PCDHGB3: variants seen among roughly 807,000 people sequenced by gnomAD.
PCDHGB3 encodes protocadherin gamma subfamily B, 3, also known as protocadherin gamma-B3.
In PCDHGB3, 40 loss-of-function variants were observed where a neutral mutation model predicts 59.2. The observed-to-expected ratio is 0.68, with a 90% CI of 0.52 to 0.88. The LOEUF is 0.88. Ranked by LOEUF, PCDHGB3 falls within the 40% of genes least tolerant of loss-of-function variation. PCDHGB3 has a pLI of 0.00. For missense variants in PCDHGB3, 1,309 were observed against 1,187.9 expected, an observed-to-expected ratio of 1.10 and a Z score of -1.50; for synonymous variants, 581 against 503.6, an observed-to-expected ratio of 1.15 and a Z score of -2.06.
At chr5:141,478,812 A>G (rs952753762) in intron 1 of PCDHGB3, 16 of 1,453,436 alleles carry the variant, frequency 1.1e-5, no homozygotes, top group Non-Finnish European at 1.4e-5. Flanking sequence ...TTGCTATCAC[A>G]ACTAACCAAT....
Position 141,422,522 on chromosome 5 carries a change from C to T in PCDHGB3, c.2415+49713C>T, listed in dbSNP as rs767482856. On this transcript the variant is annotated intron_variant, in intron 1 of 3. Coordinates refer to ENST00000576222, the MANE Select transcript of PCDHGB3 (RefSeq NM_018924.5). Reference sequence around the variant, plus strand: ...ACAGCCACAGACCAGGGAAGCCCGCCTTTGTCTGCAGAAACTCATGTCTGG... The same window carrying T: ...ACAGCCACAGACCAGGGAAGCCCGCTTTTGTCTGCAGAAACTCATGTCTGG... 11 of 1,614,014 alleles carry T rather than the reference C, an allele frequency of 6.8e-6. No homozygotes were observed. In the South Asian group the frequency reaches 1.1e-4, roughly 16 times the overall value.
intron 1 of PCDHGB3, chr5:141,373,990 G>A: frequency 8.2e-7 from 1 of 1,221,932 alleles, no homozygotes; most frequent in East Asian, 2.8e-5. Flanking sequence ...TCTGCTTGTT[G>A]AAGGACCTTC....
chr5:141,424,519 A>T (rs1216899186), intron 1 of PCDHGB3: 1 of 152,222 alleles, frequency 6.6e-6, no homozygotes, highest in African/African-American at 2.4e-5. Context: ...TTAATGTAGT[A>T]AATCCATATA....
At chr5:141,403,226 C>A in intron 1 of PCDHGB3, 3 of 1,613,926 alleles carry the variant, frequency 1.9e-6, no homozygotes, top group South Asian at 1.1e-5. Context: ...TAGGATAGAC[C>A]GGGAGGAGCT....
chr5:141,372,263 G>T lies in PCDHGB3; in HGVS notation c.1869G>T (p.Thr623=), dbSNP rs373583904. 2.5e-6 allele frequency: 4 copies of T among 1,613,110 alleles called. No individual in the cohort carries two copies. Among genetic ancestry groups the T allele is most frequent in the African/African-American group, 1.3e-5 (1 of 75,052 alleles). The change falls in exon 1 of 4, where the codon ACG becomes ACT. Residue 623 remains threonine, a synonymous_variant. Coordinates refer to ENST00000576222, the MANE Select transcript of PCDHGB3 (RefSeq NM_018924.5). The part of the protein sequence containing the change: ...EPGLFSLGLR[T]GEVRTARTLG... The stretch of plus-strand genomic sequence containing the variant: ...GGCTGTTCAGCCTGGGCCTGCGCAC[G>T]GGTGAGGTGCGCACGGCGCGTACCT...
chr5:141,454,628 AC>A (rs1272822911), intron 1 of PCDHGB3, among the ~76,000 whole-genome samples: 2 of 151,334 alleles, frequency 1.3e-5, no homozygotes, highest in Non-Finnish European at 2.9e-5. Context: ...CTGGTCTCGA[AC>A]CCCCAACCTC....
At chr5:141,483,009 C>G (rs538900128) in intron 1 of PCDHGB3, among the ~76,000 whole-genome samples, 1 of 152,060 alleles carries the variant, frequency 6.6e-6, no homozygotes, top group South Asian at 2.1e-4. Context: ...TGCTTGAACC[C>G]GGGAGGCAGA....
intron 1 of PCDHGB3, among the ~76,000 whole-genome samples, chr5:141,446,322 C>A (rs1561922470): frequency 2.0e-5 from 3 of 151,968 alleles, no homozygotes; most frequent in South Asian, 4.1e-4. Flanking sequence ...TGGGTTTCCA[C>A]ATTAAGGAAC....
chr5:141,494,601 A>T (rs1396717178), intron 1 of PCDHGB3, among the ~76,000 whole-genome samples: 1 of 151,892 alleles, frequency 6.6e-6, no homozygotes, highest in East Asian at 1.9e-4. Context: ...ATGAAATGTG[A>T]TTTATCTCTT....
chr5:141,392,622 A>ACTCACAT, intron 1 of PCDHGB3: 1 of 558,650 alleles, frequency 1.8e-6, no homozygotes, highest in Non-Finnish European at 3.0e-6. Context: ...AACCGAAAAC[A>ACTCACAT]CTCAGATCTC....
chr5:141,383,635 C>G (rs1226106296), intron 1 of PCDHGB3: 6 of 1,613,966 alleles, frequency 3.7e-6, no homozygotes, highest in Non-Finnish European at 5.1e-6. Context: ...CTCTCTGCCT[C>G]AGTACCAAGT....
At chr5:141,388,364 G>A (rs749994962) in intron 1 of PCDHGB3, 12 of 1,613,846 alleles carry the variant, frequency 7.4e-6, no homozygotes, top group Middle Eastern at 1.6e-4. Context: ...CCCATGATGC[G>A]GATATTGGTA....
At chr5:141,375,378 T>A (rs1226520501) in intron 1 of PCDHGB3, 11 of 1,613,954 alleles carry the variant, frequency 6.8e-6, no homozygotes, top group Non-Finnish European at 9.3e-6. Flanking sequence ...ACACCACCTC[T>A]GTCTACAGAA....
At position 141,512,114 on chromosome 5, in the gene PCDHGB3, C is replaced by T. The variant is rs2099884080; in HGVS notation, c.*941C>T. ...TAACTAGGCTGGACCCTTCCCACTA[C>T]ATAATAGGGCTCAGCCCAGGCAGCC... On this transcript the variant is annotated 3_prime_UTR_variant, in exon 4 of 4. Coordinates refer to ENST00000576222, the MANE Select transcript of PCDHGB3 (RefSeq NM_018924.5). 2 of 152,696 alleles carry T rather than the reference C, an allele frequency of 1.3e-5. No homozygotes were observed. Among genetic ancestry groups the T allele is most frequent in the African/African-American group, 4.8e-5 (2 of 41,468 alleles). 9.5% of individuals were successfully genotyped at this position (152,696 alleles called of 1,614,324 possible).
At position 141,487,577 on chromosome 5, in the gene PCDHGB3, C is replaced by T; in HGVS notation, c.2416-7230C>T. 1 of 1,614,150 alleles carries T rather than the reference C, an allele frequency of 6.2e-7. No homozygotes were observed. Among genetic ancestry groups the T allele is most frequent in the Non-Finnish European group, 8.5e-7 (1 of 1,180,024 alleles). On this transcript the variant is annotated intron_variant, in intron 1 of 3. Transcript: ENST00000576222. This position sits in a 1 kb window ranked among gnomAD's most constrained non-coding sequence, Gnocchi z 5.0. ...ACCTATGGCAGGGGAGCCTGTTCGCCCAAGCTGCCCACCCTCTGATCTTCT... is the reference window on the plus strand; with the variant it reads ...ACCTATGGCAGGGGAGCCTGTTCGCTCAAGCTGCCCACCCTCTGATCTTCT...
chr5:141,436,877 A>G (rs2097851127), intron 1 of PCDHGB3, among the ~76,000 whole-genome samples: 1 of 152,252 alleles, frequency 6.6e-6, no homozygotes, highest in Admixed American at 6.5e-5. Flanking sequence ...AGGCCATAAA[A>G]GATGGGGGAA....
At chr5:141,419,301 T>G in intron 1 of PCDHGB3, 6 of 1,613,998 alleles carry the variant, frequency 3.7e-6, no homozygotes, top group Non-Finnish European at 5.1e-6. Context: ...GACCCAGACT[T>G]CGGGCTCAAC....
At position 141,370,854 on chromosome 5, in the gene PCDHGB3, C is replaced by G; in HGVS notation, c.460C>G (p.Leu154Val). The change falls in exon 1 of 4, where the codon CTG becomes GTG. Residue 154 changes from leucine (L) to valine (V), a missense_variant. Leu to Val is a conservative substitution (Grantham distance 32). Transcript: ENST00000576222. ...ELALTGATFALESAQDPDVGV... is the reference protein window; with the variant it reads ...ELALTGATFAVESAQDPDVGV... ...GGCTCTCACTGGAGCCACATTTGCC[C>G]TGGAATCTGCGCAAGATCCTGATGT... 1 of 1,614,054 alleles carries G rather than the reference C, an allele frequency of 6.2e-7. No homozygotes were observed. Among genetic ancestry groups the G allele is most frequent in the Non-Finnish European group, 8.5e-7 (1 of 1,179,904 alleles).
intron 1 of PCDHGB3, among the ~76,000 whole-genome samples, chr5:141,429,903 T>C (rs1276564046): frequency 2.0e-5 from 3 of 152,252 alleles, no homozygotes; most frequent in African/African-American, 7.2e-5. Flanking sequence ...TAAATATTTT[T>C]GAAATATAAT....
Sources: allele counts gnomAD v4.1 joint callset (sites outside exome capture counted in the v4.1 genomes callset), GRCh38; gene constraint gnomAD v4.1.1; non-coding constraint Gnocchi (gnomAD v3.1); transcripts MANE v1.5; gene names NCBI Gene and HGNC (gene_info 2026-07-23, HGNC 2026-07-21).